The following WWOX variants were observed in gnomAD, a reference collection of about 807,000 sequenced individuals.
The protein encoded by WWOX is WW domain containing oxidoreductase, also known as WW domain-containing oxidoreductase.
In WWOX, 69 loss-of-function variants were observed where a neutral mutation model predicts 46.2. The observed-to-expected ratio is 1.49, with a 90% CI of 1.23 to 1.82. WWOX has a LOEUF of 1.82. Ranked by LOEUF, WWOX falls within the 40% of genes most tolerant of loss-of-function variation. The probability of loss-of-function intolerance (pLI) is 0.00; values close to 1 mark genes in which losing one functional copy is unlikely to be tolerated. For missense variants in WWOX, 919 were observed against 542.6 expected, an observed-to-expected ratio of 1.69 and a Z score of -6.89; for synonymous variants, 359 against 202.6, an observed-to-expected ratio of 1.77 and a Z score of -6.56.
intron 5 of WWOX, among the ~76,000 whole-genome samples, chr16:78,169,219 C>T (rs1315526155): frequency 6.6e-6 from 1 of 152,158 alleles, no homozygotes; most frequent in Admixed American, 6.5e-5. Context: ...TCCAAGAGGC[C>T]AGTGTGGCTG....
rs1262215867 is a variant in WWOX, at chr16:79,134,218, C to G, written c.1057-77390C>G. Among the ~76,000 whole-genome samples, 5 of 151,784 alleles carry G rather than the reference C, an allele frequency of 3.3e-5. No individual in the cohort carries two copies. In the East Asian group the frequency reaches 7.8e-4, roughly 24 times the overall value. On this transcript the variant is annotated intron_variant, in intron 8 of 8. Transcript: ENST00000566780. ...TTCTTACAAAGGAAAAAGAAAGAAT[C>G]CAATTTGTTATAAATAACTGCTGAG... is the stretch of plus-strand genomic sequence containing the variant.
chr16:78,749,322 A>T (rs1186933190), intron 8 of WWOX, among the ~76,000 whole-genome samples: 3 of 152,206 alleles, frequency 2.0e-5, no homozygotes, highest in East Asian at 1.9e-4. Flanking sequence ...AAGGGGAAAA[A>T]AATGGACTTT....
At chr16:78,455,643 C>CAAAAAAAAA (rs57754374) in intron 8 of WWOX, among the ~76,000 whole-genome samples, 10 of 60,520 alleles carry the variant, frequency 1.7e-4, no homozygotes, top group African/African-American at 4.2e-4. Flanking sequence ...GACTCTGTCT[C>CAAAAAAAAA]AAAAAAAAAA....
At chr16:78,651,163 T>C (rs1340671259) in intron 8 of WWOX, among the ~76,000 whole-genome samples, 2 of 152,360 alleles carry the variant, frequency 1.3e-5, no homozygotes, top group Middle Eastern at 3.4e-3. Flanking sequence ...AGTTTTCTTA[T>C]ATTTTAAGCA....
intron 8 of WWOX, among the ~76,000 whole-genome samples, chr16:79,122,432 G>C (rs985186135): frequency 6.6e-6 from 1 of 152,134 alleles, no homozygotes; most frequent in African/African-American, 2.4e-5. Context: ...GTGTGGGCAA[G>C]CACGGCATCT....
At chr16:78,985,747 C>G (rs1015399380) in intron 8 of WWOX, among the ~76,000 whole-genome samples, 2 of 150,142 alleles carry the variant, frequency 1.3e-5, no homozygotes, top group Non-Finnish European at 1.5e-5. Context: ...CCAGCCTGGG[C>G]AAAAGAGTGA....
chr16:78,533,587 G>C (rs185963638), intron 8 of WWOX, among the ~76,000 whole-genome samples: 5 of 152,250 alleles, frequency 3.3e-5, no homozygotes, highest in Admixed American at 1.3e-4. Context: ...CTTCTAGTGG[G>C]AGAGATCACA....
At chr16:78,672,029 G>C (rs915454087) in intron 8 of WWOX, among the ~76,000 whole-genome samples, 1 of 152,114 alleles carries the variant, frequency 6.6e-6, no homozygotes, top group African/African-American at 2.4e-5. Context: ...GTAGTTAAGA[G>C]TTAAGTATCA....
chr16:78,722,453 G>A (rs2048715933), intron 8 of WWOX, among the ~76,000 whole-genome samples: 1 of 152,124 alleles, frequency 6.6e-6, no homozygotes, highest in Admixed American at 6.6e-5. Flanking sequence ...TCAAGTACTT[G>A]GCATAGTTCC....
intron 5 of WWOX, among the ~76,000 whole-genome samples, chr16:78,310,868 G>A (rs759455535): frequency 1.3e-5 from 2 of 152,200 alleles, no homozygotes; most frequent in Non-Finnish European, 2.9e-5. Context: ...CGCAGCCCCA[G>A]ACCCACCTTC....
intron 8 of WWOX, among the ~76,000 whole-genome samples, chr16:78,716,762 G>T (rs1192704674): frequency 6.6e-6 from 1 of 152,126 alleles, no homozygotes; most frequent in African/African-American, 2.4e-5. Flanking sequence ...CGAATTGCAG[G>T]ATCTTCCTTA....
chr16:78,355,632 A>G, intron 5 of WWOX: 1 of 606,328 alleles, frequency 1.6e-6, no homozygotes, highest in South Asian at 1.4e-5. Flanking sequence ...ATGAGAAACG[A>G]CCGAGAGCTT....
intron 8 of WWOX, among the ~76,000 whole-genome samples, chr16:78,970,210 A>C (rs2046443202): frequency 6.6e-6 from 1 of 152,140 alleles, no homozygotes; most frequent in Non-Finnish European, 1.5e-5. Flanking sequence ...GAAAGCCATT[A>C]GCTCTTTTGA....
At position 78,548,973 on chromosome 16, in the gene WWOX, CAGAT is replaced by C. The variant is rs112056805; in HGVS notation, c.1056+116222_1056+116225del. Reference sequence around the variant, plus strand: ...TATAGCCCCAAACTGGCATTTCCAACAGATGGATGGGTTGGTGTAATATAATTCA... The same window carrying C: ...TATAGCCCCAAACTGGCATTTCCAACGGATGGGTTGGTGTAATATAATTCA... On this transcript the variant is annotated intron_variant, in intron 8 of 8. Transcript: ENST00000566780. Among the ~76,000 whole-genome samples the C allele has an allele frequency of 3.2e-4, 48 of 152,264 alleles. 2 individuals are homozygous for C. The highest frequency in any genetic ancestry group is 1.4e-3 in the East Asian group (7 of 5,184).
At chr16:79,161,253 C>T (rs1039645088) in intron 8 of WWOX, among the ~76,000 whole-genome samples, 1 of 152,162 alleles carries the variant, frequency 6.6e-6, no homozygotes, top group Admixed American at 6.5e-5. Context: ...TTCAAATCCT[C>T]CCTCTGTCTT....
rs527777986 is a variant in WWOX at position 78,380,669 on chromosome 16, G to T, written c.517-6191G>T. 3.1e-4 allele frequency among the ~76,000 whole-genome samples: 47 copies of T among 152,106 alleles called. 1 individual carries two copies. The highest frequency in any genetic ancestry group is 2.1e-4 in the South Asian group (1 of 4,826). ...ATCTAGAGTTATGAACTACTGATCA[G>T]GTATCATGTTCTGCTCCAACTGCTT... is the stretch of plus-strand genomic sequence containing the variant. On this transcript the variant is annotated intron_variant, in intron 5 of 8. Transcript: ENST00000566780.
intron 8 of WWOX, among the ~76,000 whole-genome samples, chr16:78,804,907 T>A (rs2050989392): frequency 6.6e-6 from 1 of 152,212 alleles, no homozygotes; most frequent in Non-Finnish European, 1.5e-5. Context: ...TAATCTAAAT[T>A]TCCTCCAAAC....
chr16:79,120,398 G>A (rs776236019), intron 8 of WWOX, among the ~76,000 whole-genome samples: 4 of 152,172 alleles, frequency 2.6e-5, no homozygotes, highest in East Asian at 1.9e-4. Flanking sequence ...TGGGCAATGT[G>A]GCCCTTTCTG....
chr16:79,184,625 G>A (rs1424430810), intron 8 of WWOX, among the ~76,000 whole-genome samples: 4 of 152,204 alleles, frequency 2.6e-5, no homozygotes, highest in African/African-American at 9.6e-5. Flanking sequence ...TGCCTCTCCT[G>A]AGGGTCAATA....
Sources: gnomAD v4.1 joint callset for allele counts (sites outside exome capture counted in the v4.1 genomes callset) on GRCh38, gnomAD v4.1.1 for gene constraint, MANE v1.5 for transcripts, NCBI Gene and HGNC (gene_info 2026-07-23, HGNC 2026-07-21) for gene names.